The following USP31 variants were observed in gnomAD, a reference collection of about 807,000 sequenced individuals.
USP31 encodes the protein ubiquitin carboxyl-terminal hydrolase 31.
Under a neutral mutation model 119.4 loss-of-function variants are expected in USP31, and 44 were observed. That is an observed-to-expected ratio of 0.37 (90% CI 0.29 to 0.47). The LOEUF (loss-of-function observed/expected upper bound fraction) is 0.47. Among genes scored for constraint, USP31 ranks in the 20% least tolerant of loss-of-function variants. The pLI, the probability that USP31 is intolerant of heterozygous loss-of-function variation, is 0.99. For synonymous variants in USP31, 749 were observed against 705.6 expected (o/e 1.06, Z -0.97); for missense variants, 1,643 against 1,730.2 (o/e 0.95, Z 0.89).
At chr16:23,118,012 C>T (rs1259042044) in intron 1 of USP31, among the ~76,000 whole-genome samples, 1 of 152,198 alleles carries the variant, frequency 6.6e-6, no homozygotes. Context: ...TGGTCTCAAA[C>T]TCCTGACTTC....
chr16:23,068,992 C>G lies in USP31; in HGVS notation c.3113G>C (p.Ser1038Thr). 2 of 1,614,100 alleles carry G rather than the reference C, an allele frequency of 1.2e-6. No homozygotes were observed. Among genetic ancestry groups the G allele is most frequent in the African/African-American group, 1.3e-5 (1 of 75,050 alleles). Reference sequence around the variant, plus strand: ...CAAGGCTGGTCTCCCCTTCCGCAAGCTTTTCTCTGGCTCAGAAGTGCCTTT... The same window carrying G: ...CAAGGCTGGTCTCCCCTTCCGCAAGGTTTTCTCTGGCTCAGAAGTGCCTTT... The part of the protein sequence containing the change: ...SSKGTSEPEK[S>T]LRKGRPALAS... Residue 1038 changes from serine (S) to threonine (T), a missense_variant, in exon 16 of 16, where the codon AGC (serine) becomes ACC (threonine). Physicochemically the swap from Ser to Thr is moderately conservative, Grantham distance 58 (BLOSUM62 1). This residue lies in a region of USP31 where 699 missense variants were observed against 650.9 expected (regional missense o/e 1.07). Transcript: ENST00000219689.
chr16:23,105,415 G>C, intron 5 of USP31, 26 bp downstream of exon 5: 1 of 1,559,338 alleles, frequency 6.4e-7, no homozygotes, highest in Non-Finnish European at 8.7e-7. Context: ...TGGCTCATGT[G>C]TAACTGGTCT....
At chr16:23,110,789 A>T (rs1279447202) in intron 1 of USP31, among the ~76,000 whole-genome samples, 2 of 152,162 alleles carry the variant, frequency 1.3e-5, no homozygotes, top group Non-Finnish European at 2.9e-5. Flanking sequence ...TGTAAATGAG[A>T]TATAACCAGC....
intron 7 of USP31, among the ~76,000 whole-genome samples, chr16:23,088,050 G>A (rs2141849343): frequency 6.6e-6 from 1 of 152,300 alleles, no homozygotes; most frequent in East Asian, 1.9e-4. Context: ...ACACCAAAAT[G>A]GCTTCTAGGG....
chr16:23,122,931 C>T (rs1674802580), intron 1 of USP31, among the ~76,000 whole-genome samples: 2 of 152,172 alleles, frequency 1.3e-5, no homozygotes, highest in African/African-American at 2.4e-5. Context: ...TGAATTAAAT[C>T]GTAGGTTAAC....
chr16:23,121,204 T>C (rs1902656433), intron 1 of USP31, among the ~76,000 whole-genome samples: 1 of 152,160 alleles, frequency 6.6e-6, no homozygotes, highest in Non-Finnish European at 1.5e-5. Flanking sequence ...GTACTCCCAG[T>C]AAATTTTAAC....
chr16:23,127,145 T>C (rs1902884520), intron 1 of USP31, among the ~76,000 whole-genome samples: 2 of 152,012 alleles, frequency 1.3e-5, no homozygotes, highest in South Asian at 4.2e-4. Context: ...AAGAAACAAA[T>C]TGACTAGTGT....
intron 1 of USP31, among the ~76,000 whole-genome samples, chr16:23,135,457 C>T (rs934762146): frequency 2.0e-5 from 3 of 152,036 alleles, no homozygotes; most frequent in African/African-American, 7.2e-5. Context: ...AGATTCCACA[C>T]CAAAATCTGT....
At chr16:23,136,935 T>C (rs1055319450) in intron 1 of USP31, among the ~76,000 whole-genome samples, 2 of 151,936 alleles carry the variant, frequency 1.3e-5, no homozygotes, top group Non-Finnish European at 2.9e-5. Context: ...CAATGAGGCC[T>C]AGTGTGGTGG....
At position 23,069,676 on chromosome 16, in the gene USP31, G is replaced by A. The variant is rs916654187; in HGVS notation, c.2489-60C>T. On this transcript the variant is annotated intron_variant, in intron 15 of 15. Coordinates refer to ENST00000219689, the MANE Select transcript of USP31 (RefSeq NM_020718.4). Reference sequence around the variant, plus strand: ...CCAATGAAGACATTCTAACAACACTGTAAGACACTGAAGGTGAAACGAAGG... The same window carrying A: ...CCAATGAAGACATTCTAACAACACTATAAGACACTGAAGGTGAAACGAAGG... 2.6e-4 allele frequency: 389 copies of A among 1,523,162 alleles called. 6 individuals carry two copies. Among genetic ancestry groups the A allele is most frequent in the Non-Finnish European group, 1.6e-5 (18 of 1,133,866 alleles). The allele number at this position is 1,523,162 out of a possible 1,614,324, so 94.4% of individuals were successfully genotyped here. A position where few individuals can be genotyped will look rare whatever the true frequency, so the allele number is the denominator to read the frequency against.
intron 2 of USP31, among the ~76,000 whole-genome samples, chr16:23,107,175 C>G (rs1462280696): frequency 6.6e-6 from 1 of 152,036 alleles, no homozygotes; most frequent in African/African-American, 2.4e-5. Context: ...ATTACCTGTG[C>G]TCTGTATGTT....
chr16:23,081,261 T>G (rs1900809592), intron 12 of USP31, among the ~76,000 whole-genome samples: 1 of 152,202 alleles, frequency 6.6e-6, no homozygotes, highest in African/African-American at 2.4e-5. Flanking sequence ...TTACTCTGTG[T>G]CTGGGGAAGG....
intron 7 of USP31, among the ~76,000 whole-genome samples, chr16:23,089,219 G>C (rs1317182646): frequency 6.6e-6 from 1 of 152,150 alleles, no homozygotes; most frequent in Non-Finnish European, 1.5e-5. Context: ...TTCCCCCCAT[G>C]TTCACACAGC....
intron 1 of USP31, among the ~76,000 whole-genome samples, chr16:23,126,870 C>A (rs771744100): frequency 5.9e-5 from 9 of 152,056 alleles, no homozygotes; most frequent in African/African-American, 2.2e-4. Context: ...TAAGAGAGAA[C>A]ATGAATACAC....
At chr16:23,104,007 TTA>T (rs765053523) in intron 5 of USP31, among the ~76,000 whole-genome samples, 6 of 152,292 alleles carry the variant, frequency 3.9e-5, no homozygotes, top group Non-Finnish European at 8.8e-5. Context: ...AAAGACTTCA[TTA>T]TATGCTCAGC....
At chr16:23,070,788 T>C (rs1479100863) in intron 15 of USP31, among the ~76,000 whole-genome samples, 1 of 152,074 alleles carries the variant, frequency 6.6e-6, no homozygotes, top group Non-Finnish European at 1.5e-5. Context: ...AAGAAAATAT[T>C]CTAAATTAAA....
intron 1 of USP31, among the ~76,000 whole-genome samples, chr16:23,117,574 A>C (rs1006773764): frequency 4.6e-5 from 7 of 152,332 alleles, no homozygotes; most frequent in African/African-American, 1.4e-4. Flanking sequence ...CAGCCAGACA[A>C]ACAAGGAGCA....
At chr16:23,082,624 T>C in intron 11 of USP31, 67 bp from the exon 12 acceptor site, 1 of 1,602,200 alleles carries the variant, frequency 6.2e-7, no homozygotes, top group Admixed American at 1.7e-5. Context: ...GCTGGACTAA[T>C]GCCTTAGCCA....
Position 23,084,845 on chromosome 16 carries a change from T to C in USP31, c.1830+15A>G. On this transcript the variant is annotated intron_variant, in intron 11 of 15. Transcript: ENST00000219689. ...ACTGCCCTGAGCAACCAAGAAATGC[T>C]GCCCAGTCTCTTACCCGCTCCTCTT... is the stretch of plus-strand genomic sequence containing the variant. 1.2e-6 allele frequency: 2 copies of C among 1,613,530 alleles called. No individual in the cohort carries two copies. Among genetic ancestry groups the C allele is most frequent in the Non-Finnish European group, 1.7e-6 (2 of 1,179,742 alleles).
Sources: gnomAD v4.1 joint callset for allele counts (sites outside exome capture counted in the v4.1 genomes callset) on GRCh38, gnomAD v4.1.1 for gene constraint, gnomAD v4.1.1 regional missense constraint, MANE v1.5 for transcripts, NCBI Gene and HGNC (gene_info 2026-07-23, HGNC 2026-07-21) for gene names.